Variants in WDR7 observed in about 807,000 individuals in gnomAD.
The protein encoded by WDR7 is WD repeat domain 7, also known as WD repeat-containing protein 7.
A neutral mutation model predicts 169.4 loss-of-function variants in WDR7; 46 were observed. The ratio of observed to expected loss-of-function variants is 0.27; its 90% CI spans 0.21 to 0.35. The LOEUF is 0.35. Among genes scored for constraint, WDR7 ranks in the 10% least tolerant of loss-of-function variants. The pLI is 1.00. For synonymous variants in WDR7, 612 were observed against 666.8 expected (o/e 0.92, Z 1.27); for missense variants, 1,534 against 1,859.3 (o/e 0.83, Z 3.22).
At chr18:56,802,756 C>T (rs72921100) in intron 19 of WDR7, among the ~76,000 whole-genome samples, 20,103 of 151,938 alleles carry the variant, frequency 0.13, 2,067 homozygotes, top group African/African-American at 0.29. Context: ...TCCCAGTCTG[C>T]GGGTTGTTTT....
At chr18:57,030,938 A>G (rs1166805726), downstream of WDR7, 1 of 151,342 alleles carries the variant, frequency 6.6e-6, no homozygotes, top group African/African-American at 2.4e-5. Context: ...CTTTTAATGA[A>G]CTAAGCTCAC....
chr18:56,966,451 G>T (rs184998443), intron 26 of WDR7, among the ~76,000 whole-genome samples: 2 of 152,122 alleles, frequency 1.3e-5, no homozygotes, highest in East Asian at 3.9e-4. Flanking sequence ...TTGATGAAGA[G>T]TAAATAGATT....
At chr18:57,016,313 G>T (rs1010389174) in intron 26 of WDR7, among the ~76,000 whole-genome samples, 2 of 152,102 alleles carry the variant, frequency 1.3e-5, no homozygotes, top group Non-Finnish European at 2.9e-5. Context: ...ACATGGGTCA[G>T]TACTTTATGA....
At chr18:56,902,828 T>C (rs2046420974) in intron 21 of WDR7, among the ~76,000 whole-genome samples, 2 of 152,228 alleles carry the variant, frequency 1.3e-5, no homozygotes, top group African/African-American at 4.8e-5. Flanking sequence ...AGTCTTTTAC[T>C]GCAGCAGCAT....
chr18:56,936,511 A>C (rs1170760744), intron 23 of WDR7, among the ~76,000 whole-genome samples: 1 of 152,150 alleles, frequency 6.6e-6, no homozygotes, highest in East Asian at 1.9e-4. Flanking sequence ...AATTTTTTTT[A>C]AAGGTTTATT....
At chr18:56,888,575 G>C (rs960378599) in intron 21 of WDR7, among the ~76,000 whole-genome samples, 6 of 152,178 alleles carry the variant, frequency 3.9e-5, no homozygotes, top group Non-Finnish European at 7.4e-5. Flanking sequence ...GCACACTTCA[G>C]TGGAGATCCT....
At chr18:56,667,209 A>G (rs2025044189) in intron 1 of WDR7, among the ~76,000 whole-genome samples, 1 of 152,082 alleles carries the variant, frequency 6.6e-6, no homozygotes, top group Non-Finnish European at 1.5e-5. Flanking sequence ...TTGGAAAGCA[A>G]TAGTCTTCTT....
At chr18:56,841,786 A>G (rs558645385) in intron 20 of WDR7, among the ~76,000 whole-genome samples, 1 of 152,160 alleles carries the variant, frequency 6.6e-6, no homozygotes, top group African/African-American at 2.4e-5. Context: ...GAAAGAGTGT[A>G]ATGTCATGGT....
At chr18:56,721,026 ATT>A (rs2026308652) in intron 13 of WDR7, among the ~76,000 whole-genome samples, 1 of 151,912 alleles carries the variant, frequency 6.6e-6, no homozygotes, top group Admixed American at 6.6e-5. Context: ...GACATTATTT[ATT>A]TATTAAATTT....
At chr18:56,950,938 T>C (rs977915116) in intron 25 of WDR7, among the ~76,000 whole-genome samples, 2 of 152,240 alleles carry the variant, frequency 1.3e-5, no homozygotes, top group African/African-American at 4.8e-5. Context: ...GCTTGCATTC[T>C]TGAAGTGCCA....
chr18:56,954,163 A>G (rs1223385672), intron 25 of WDR7, among the ~76,000 whole-genome samples: 1 of 152,248 alleles, frequency 6.6e-6, no homozygotes, highest in African/African-American at 2.4e-5. Context: ...AAATCCCTCT[A>G]AAATCATTGA....
At chr18:57,026,090 G>A (rs1787473) in intron 27 of WDR7, among the ~76,000 whole-genome samples, 133,604 of 152,246 alleles carry the variant, frequency 0.88, 58,691 homozygotes, top group East Asian at 0.99. Flanking sequence ...TGCTATTGAA[G>A]ATATTTTAAG....
At chr18:56,880,841 G>A (rs2046096181) in intron 21 of WDR7, among the ~76,000 whole-genome samples, 1 of 152,176 alleles carries the variant, frequency 6.6e-6, no homozygotes, top group South Asian at 2.1e-4. Context: ...AGGTAAGGGT[G>A]CTTTAAAATA....
rs540434462 is a variant in WDR7, at chr18:56,717,507, G to T, written c.1579-457G>T. ...TGATCGTGGCAGAGGGACGGTGAGG[G>T]TATTGTTTTTGATCAAAGGTGCAGG... is the stretch of plus-strand genomic sequence containing the variant. On this transcript the variant is annotated intron_variant, in intron 12 of 27. Coordinates refer to ENST00000254442, the MANE Select transcript of WDR7 (RefSeq NM_015285.3). Among the ~76,000 whole-genome samples, 3 of 152,314 alleles carry T rather than the reference G, an allele frequency of 2.0e-5. No individual in the cohort carries two copies. In the South Asian group the frequency reaches 6.2e-4, roughly 32 times the overall value.
At chr18:56,995,575 T>C (rs2047887206) in intron 26 of WDR7, among the ~76,000 whole-genome samples, 1 of 152,236 alleles carries the variant, frequency 6.6e-6, no homozygotes, top group Admixed American at 6.5e-5. Context: ...GAACTTTTCC[T>C]AGTTCTAACT....
chr18:56,720,227 G>C (rs1008803632), intron 13 of WDR7, among the ~76,000 whole-genome samples: 1 of 152,000 alleles, frequency 6.6e-6, no homozygotes, highest in Non-Finnish European at 1.5e-5. Flanking sequence ...GGAGTGGATC[G>C]CTTGAGCCAA....
chr18:57,026,860 C>T, intron 27 of WDR7, 144 bp from the exon 28 acceptor site: 1 of 842,990 alleles, frequency 1.2e-6, no homozygotes, highest in Non-Finnish European at 1.8e-6. Flanking sequence ...CTGAAAGGAA[C>T]TTTTGAGAGG....
chr18:56,805,171 T>C (rs1007252269), intron 19 of WDR7, among the ~76,000 whole-genome samples: 11 of 152,276 alleles, frequency 7.2e-5, no homozygotes, highest in African/African-American at 2.4e-4. Context: ...GTTAAATTGA[T>C]ACCAAAATTA....
rs531659192 is a variant in WDR7 at position 56,682,867 on chromosome 18, G to T, written c.520+14G>T. ...ACCGAACACAAGGTCAGTGTATTATGCCTGTTAGGAGCTTTAGCACCATGA... is the reference window on the plus strand; with the variant it reads ...ACCGAACACAAGGTCAGTGTATTATTCCTGTTAGGAGCTTTAGCACCATGA... On this transcript the variant is annotated intron_variant, in intron 5 of 27. Coordinates refer to ENST00000254442, the MANE Select transcript of WDR7 (RefSeq NM_015285.3). 95 of 1,610,154 alleles carry T rather than the reference G, an allele frequency of 5.9e-5. No homozygotes were observed. Among genetic ancestry groups the T allele is most frequent in the Non-Finnish European group, 5.1e-6 (6 of 1,178,464 alleles).
Sources: gnomAD v4.1 joint callset for allele counts (sites outside exome capture counted in the v4.1 genomes callset) on GRCh38, gnomAD v4.1.1 for gene constraint, MANE v1.5 for transcripts, NCBI Gene and HGNC (gene_info 2026-07-23, HGNC 2026-07-21) for gene names.